Variants in LARP4 observed in about 807,000 individuals in gnomAD.
LARP4 encodes la-related protein 4.
LARP4 carries 29 observed loss-of-function variants against 92.9 expected under a neutral mutation model. The ratio of observed to expected loss-of-function variants is 0.31; its 90% CI spans 0.23 to 0.43. LARP4 has a LOEUF of 0.43. LARP4 is among the 20% of genes least tolerant of loss of function. The probability of loss-of-function intolerance (pLI) is 1.00; values close to 1 mark genes in which losing one functional copy is unlikely to be tolerated. For synonymous variants in LARP4, 279 were observed against 284.1 expected (o/e 0.98, Z 0.18); for missense variants, 732 against 860.0 (o/e 0.85, Z 1.86).
intron 7 of LARP4, 84 bp downstream of exon 7, chr12:50,440,633 T>C: frequency 6.6e-6 from 6 of 905,092 alleles, no homozygotes; most frequent in Non-Finnish European, 1.1e-5. Flanking sequence ...AATGTGTGTT[T>C]ACACTGATGT....
intron 1 of LARP4, 52 bp downstream of exon 1, chr12:50,401,080 A>G (rs1943721959): frequency 6.2e-7 from 1 of 1,606,050 alleles, no homozygotes; most frequent in Non-Finnish European, 8.5e-7. Context: ...AGGAGTGTAG[A>G]GGCGCCGGCC....
At chr12:50,473,290 G>T in intron 13 of LARP4, 125 bp from the exon 14 acceptor site, 1 of 630,876 alleles carries the variant, frequency 1.6e-6, no homozygotes, top group African/African-American at 1.8e-5. Flanking sequence ...ATTTTTCACC[G>T]TGGTTTAGCT....
intron 12 of LARP4, among the ~76,000 whole-genome samples, chr12:50,463,425 A>C (rs1230912501): frequency 6.2e-5 from 9 of 145,262 alleles, no homozygotes; most frequent in East Asian, 2.0e-4. Flanking sequence ...CTCTCCAAAA[A>C]AAAAAAAAAA....
chr12:50,401,135 C>A, intron 1 of LARP4, 107 bp downstream of exon 1: 1 of 1,293,460 alleles, frequency 7.7e-7, no homozygotes, highest in Non-Finnish European at 1.1e-6. Context: ...CGCCGCGGAA[C>A]CGGCAGATAG....
intron 1 of LARP4, among the ~76,000 whole-genome samples, chr12:50,413,209 TGA>T (rs1373686770): frequency 4.2e-5 from 5 of 118,430 alleles, no homozygotes; most frequent in African/African-American, 1.2e-4. Context: ...GGCGACAGAG[TGA>T]GACTGTGTCT....
At chr12:50,435,767 T>TA in intron 5 of LARP4, 143 bp downstream of exon 5, 2 of 469,172 alleles carry the variant, frequency 4.3e-6, no homozygotes, top group South Asian at 3.4e-5. Context: ...TCTCTCTTTG[T>TA]TTTTTTTTTT....
intron 10 of LARP4, chr12:50,454,728 G>A (rs1025132257): frequency 1.3e-5 from 3 of 222,956 alleles, no homozygotes; most frequent in Non-Finnish European, 2.6e-5. Context: ...TGTTAAATGG[G>A]TAGCATTTTA....
intron 8 of LARP4, among the ~76,000 whole-genome samples, chr12:50,447,966 C>T (rs574771423): frequency 6.6e-6 from 1 of 152,210 alleles, no homozygotes; most frequent in Non-Finnish European, 1.5e-5. Context: ...CTCCCAGGTT[C>T]AAGGAGTTCT....
At chr12:50,428,765 T>G (rs1949196440) in intron 2 of LARP4, among the ~76,000 whole-genome samples, 170 bp from the exon 3 acceptor site, 1 of 152,220 alleles carries the variant, frequency 6.6e-6, no homozygotes, top group Non-Finnish European at 1.5e-5. Context: ...TATCTGTAAT[T>G]GTCAAAACTT....
chr12:50,421,250 G>T, intron 1 of LARP4: 1 of 984,592 alleles, frequency 1.0e-6, no homozygotes, highest in African/African-American at 1.7e-5. Context: ...TACCCAGCCG[G>T]CTTTTAACGT....
intron 10 of LARP4, 110 bp downstream of exon 10, chr12:50,454,527 T>G (rs1953868340): frequency 2.5e-6 from 2 of 786,016 alleles, no homozygotes; most frequent in African/African-American, 3.5e-5. Context: ...GGTGGATTTT[T>G]TGTTTGTTTT....
rs370399330 is a variant in LARP4 at position 50,453,535 on chromosome 12, C to T, written c.880C>T (p.Pro294Ser). ...AATGGATTCTAGTATCTATAGTCAC[C>T]CCATTCAAACTCAAGCACAGTATGC... ...RLMDSSIYSH[P>S]IQTQAQYASP... Residue 294 changes from proline (P) to serine (S), a missense_variant, in exon 9 of 16, where the codon CCC (proline) becomes TCC (serine). By Grantham distance (74) the Pro-to-Ser change is moderately conservative (BLOSUM62 -1). Transcript: ENST00000398473. 6.0e-5 allele frequency: 97 copies of T among 1,612,612 alleles called. No individual in the cohort carries two copies. In the East Asian group the frequency reaches 1.8e-3, roughly 30 times the overall value.
intron 1 of LARP4, among the ~76,000 whole-genome samples, chr12:50,415,459 C>T (rs1435297255): frequency 4.6e-5 from 7 of 152,154 alleles, no homozygotes; most frequent in Middle Eastern, 3.4e-3. Context: ...CGTACCCCAT[C>T]AGGAGAAAAG....
At chr12:50,428,096 A>G (rs1949085643) in intron 2 of LARP4, among the ~76,000 whole-genome samples, 187 bp downstream of exon 2, 1 of 150,696 alleles carries the variant, frequency 6.6e-6, no homozygotes, top group African/African-American at 2.4e-5. Context: ...CCCGGGTCCA[A>G]GCAGTTCTCC....
At position 50,475,863 on chromosome 12, in the gene LARP4, A is replaced by G. The variant is rs1172766218; in HGVS notation, c.2174A>G (p.Ter725=). ...EQYVPPRSPK[*] ...TATGTGCCACCCAGATCACCAAAGT[A>G]AAAAACAACAAAACTATTCAAAAAC... The change falls in exon 16 of 16, where the codon TAA becomes TGA. Residue 725 remains the stop codon, a stop_retained_variant. Coordinates refer to ENST00000398473, the MANE Select transcript of LARP4 (RefSeq NM_052879.5). The G allele has an allele frequency of 1.2e-6, 2 of 1,609,870 alleles. No homozygotes were observed. The highest frequency in any genetic ancestry group is 2.7e-5 in the African/African-American group (2 of 74,648).
At chr12:50,461,964 T>C (rs924080551) in intron 11 of LARP4, among the ~76,000 whole-genome samples, 1 of 151,510 alleles carries the variant, frequency 6.6e-6, no homozygotes, top group Non-Finnish European at 1.5e-5. Flanking sequence ...TCTCAAAATA[T>C]AAATAAACTA....
chr12:50,430,028 A>G (rs1170134945), intron 3 of LARP4, among the ~76,000 whole-genome samples: 1 of 152,194 alleles, frequency 6.6e-6, no homozygotes, highest in East Asian at 1.9e-4. Flanking sequence ...AAGAATATCT[A>G]GATTGACAGA....
At chr12:50,414,342 C>T (rs1321202780) in intron 1 of LARP4, among the ~76,000 whole-genome samples, 1 of 152,090 alleles carries the variant, frequency 6.6e-6, no homozygotes, top group East Asian at 1.9e-4. Context: ...CTTGCTCTGT[C>T]ATTCAGGCTG....
chr12:50,437,798 T>C lies in LARP4; in HGVS notation c.599T>C (p.Ile200Thr). 1 of 1,610,812 alleles carries C rather than the reference T, an allele frequency of 6.2e-7. No homozygotes were observed. Among genetic ancestry groups the C allele is most frequent in the Non-Finnish European group, 8.5e-7 (1 of 1,177,284 alleles). ...EKVRPSHKRC[I>T]VILREIPETT... ...GTGAGACCAAGTCATAAGCGTTGTA[T>C]TGTAATTCTTAGAGAGATTCCTGAA... The change falls in exon 6 of 16, where the codon ATT (isoleucine) becomes ACT (threonine). Residue 200 changes from isoleucine to threonine, a missense_variant. By Grantham distance (89) the Ile-to-Thr change is moderately conservative (BLOSUM62 -1). This residue lies in a region of LARP4 where 236 missense variants were observed against 307.6 expected (regional missense o/e 0.77). Transcript: ENST00000398473.
Sources: allele counts gnomAD v4.1 joint callset (sites outside exome capture counted in the v4.1 genomes callset), GRCh38; gene constraint gnomAD v4.1.1; regional missense constraint gnomAD v4.1.1; transcripts MANE v1.5; gene names NCBI Gene and HGNC (gene_info 2026-07-23, HGNC 2026-07-21).